Variants in CASKIN2 observed in about 807,000 individuals in gnomAD.
CASKIN2 encodes the protein CASK interacting protein 2.
CASKIN2 carries 41 observed loss-of-function variants against 107.1 expected under a neutral mutation model. The ratio of observed to expected loss-of-function variants is 0.38; its 90% CI spans 0.30 to 0.50. CASKIN2 has a LOEUF of 0.50. Ranked by LOEUF, CASKIN2 falls within the 20% of genes least tolerant of loss-of-function variation. The pLI is 0.92. For synonymous variants in CASKIN2, 724 were observed against 705.6 expected, an observed-to-expected ratio of 1.03 and a Z score of -0.41; for missense variants, 1,546 against 1,657.4, an observed-to-expected ratio of 0.93 and a Z score of 1.17.
intron 2 of CASKIN2, among the ~76,000 whole-genome samples, chr17:75,513,313 C>T (rs2053330130): frequency 1.3e-5 from 2 of 152,038 alleles, no homozygotes; most frequent in Admixed American, 1.3e-4. Context: ...GGCATGGTGG[C>T]ACACACCTGT....
rs751934298 is a variant in CASKIN2, at chr17:75,502,144, G to T, written c.2930C>A (p.Pro977His). The T allele has an allele frequency of 2.0e-5, 32 of 1,603,868 alleles. 1 individual carries two copies. Among genetic ancestry groups the T allele is most frequent in the Non-Finnish European group, 1.4e-5 (16 of 1,179,824 alleles). ...CGTGAGGTTGAAATCGAGGCCGGGGGGCACGGGTGTCTCTCGGGGCGGGGG... is the reference window on the plus strand; with the variant it reads ...CGTGAGGTTGAAATCGAGGCCGGGGTGCACGGGTGTCTCTCGGGGCGGGGG... ...AGPPPRETPV[P>H]PGLDFNLTES... The change falls in exon 18 of 20, where the codon CCC becomes CAC. Residue 977 changes from proline (P) to histidine (H), a missense_variant. Physicochemically the swap from Pro to His is moderately conservative, Grantham distance 77. Coordinates refer to ENST00000321617, the MANE Select transcript of CASKIN2 (RefSeq NM_020753.5). This position sits in a 1 kb window ranked among gnomAD's most constrained non-coding sequence, Gnocchi z 4.3.
chr17:75,501,447 T>A (rs762981578), intron 19 of CASKIN2, 21 bp downstream of exon 19: 1 of 1,595,302 alleles, frequency 6.3e-7, no homozygotes, highest in East Asian at 2.3e-5. Context: ...CTTCTCTCCC[T>A]CCCCATCCGG....
chr17:75,511,985 G>C (rs2053319578), intron 2 of CASKIN2, among the ~76,000 whole-genome samples: 1 of 152,154 alleles, frequency 6.6e-6, no homozygotes, highest in Non-Finnish European at 1.5e-5. Flanking sequence ...CTGGACCTTA[G>C]GGCCCTCCCC....
chr17:75,508,089 C>CAGG, intron 3 of CASKIN2, 145 bp downstream of exon 3: 2 of 916,686 alleles, frequency 2.2e-6, no homozygotes, highest in Non-Finnish European at 3.3e-6. Context: ...GGACAGGGCC[C>CAGG]ACAGCTCGCA....
chr17:75,510,653 CG>C (rs1367897046), intron 2 of CASKIN2, among the ~76,000 whole-genome samples: 2 of 152,062 alleles, frequency 1.3e-5, no homozygotes, highest in Admixed American at 6.6e-5. Flanking sequence ...TGTAGTGGCA[CG>C]ATCTCGGCTC....
Position 75,501,530 on chromosome 17 carries a change from G to A in CASKIN2, c.3456C>T (p.Ser1152=). Residue 1152 remains serine, a synonymous_variant, in exon 19 of 20, where the codon AGC becomes AGT. Coordinates refer to ENST00000321617, the MANE Select transcript of CASKIN2 (RefSeq NM_020753.5). The part of the protein sequence containing the change: ...GQAQQRLEQT[S]SSLAAALRAA... ...CTCTCAGTGCAGCTGCCAGGGACGA[G>A]CTGGTCTGCTCCAGTCTCTGCTGGG... The A allele has an allele frequency of 1.2e-6, 2 of 1,612,546 alleles. No individual in the cohort carries two copies. The highest frequency in any genetic ancestry group is 1.7e-6 in the Non-Finnish European group (2 of 1,179,626).
chr17:75,501,055 G>A lies in CASKIN2; in HGVS notation c.*25C>T. On this transcript the variant is annotated 3_prime_UTR_variant, in exon 20 of 20. Transcript: ENST00000321617. ...GGGCAAAGGCAGTGGACTTCGGCAG[G>A]TCACAGTGGGCACTGCTGGAGGGCT... is the stretch of plus-strand genomic sequence containing the variant. 1 of 1,552,822 alleles carries A rather than the reference G, an allele frequency of 6.4e-7. No homozygotes were observed. Among genetic ancestry groups the A allele is most frequent in the South Asian group, 1.2e-5 (1 of 84,324 alleles).
intron 2 of CASKIN2, among the ~76,000 whole-genome samples, 160 bp downstream of exon 2, chr17:75,513,551 A>G (rs570277390): frequency 6.6e-6 from 1 of 152,290 alleles, no homozygotes; most frequent in South Asian, 2.1e-4. Context: ...GGGGGACCCA[A>G]CTTTCTCTCT....
chr17:75,507,328 T>A (rs745517398), intron 4 of CASKIN2, among the ~76,000 whole-genome samples, 199 bp from the exon 5 acceptor site: 1 of 152,100 alleles, frequency 6.6e-6, no homozygotes, highest in Non-Finnish European at 1.5e-5. Flanking sequence ...CCACTGTGGA[T>A]CATGATGACC....
intron 2 of CASKIN2, among the ~76,000 whole-genome samples, chr17:75,511,214 C>T (rs181899108): frequency 1.3e-5 from 2 of 152,142 alleles, no homozygotes; most frequent in African/African-American, 2.4e-5. Flanking sequence ...GCACTTGCCA[C>T]CACACTGAGC....
rs552643553 is a variant in CASKIN2, at chr17:75,507,390, G to A, written c.244+194C>T. On this transcript the variant is annotated intron_variant, in intron 4 of 19. Coordinates refer to ENST00000321617, the MANE Select transcript of CASKIN2 (RefSeq NM_020753.5). ...GCCTCAACCTACTCATCTGAATAAT[G>A]GGATGTTAGTACCACTCGCCTATGC... is the stretch of plus-strand genomic sequence containing the variant. Among the ~76,000 whole-genome samples, 6 of 152,304 alleles carry A rather than the reference G, an allele frequency of 3.9e-5. 1 individual carries two copies. The South Asian group carries it at 1.0e-3, about 26-fold the overall frequency.
Position 75,506,782 on chromosome 17 carries a change from A to T in CASKIN2, c.486+17T>A. The T allele has an allele frequency of 1.2e-6, 2 of 1,613,774 alleles. No homozygotes were observed. The highest frequency in any genetic ancestry group is 2.2e-5 in the South Asian group (2 of 91,086). On this transcript the variant is annotated intron_variant, in intron 6 of 19. Transcript: ENST00000321617. The surrounding 1 kb of genome is among the most constrained non-coding windows in gnomAD (Gnocchi z 4.8). The stretch of plus-strand genomic sequence containing the variant: ...GTAGATGTCCAGGACCCAGCACCCC[A>T]AGGCTGCAGGCCTCACCTTGAGTCG...
chr17:75,501,257 G>C, intron 19 of CASKIN2, 87 bp from the exon 20 acceptor site: 1 of 1,319,408 alleles, frequency 7.6e-7, no homozygotes, highest in Non-Finnish European at 1.0e-6. Flanking sequence ...AGCTCCCAGA[G>C]GCTCAGGGAG....
chr17:75,514,425 G>T (rs538400192), intron 1 of CASKIN2, among the ~76,000 whole-genome samples: 1 of 152,134 alleles, frequency 6.6e-6, no homozygotes, highest in East Asian at 1.9e-4. Flanking sequence ...ATTCTGGGAG[G>T]GGGAGGCTGA....
At position 75,504,603 on chromosome 17, in the gene CASKIN2, T is replaced by C. The variant is rs147639420; in HGVS notation, c.1283A>G (p.His428Arg). 3.7e-4 allele frequency: 601 copies of C among 1,607,120 alleles called. 3 individuals carry two copies. In the African/African-American group the frequency reaches 7.7e-3, roughly 21 times the overall value. The change falls in exon 12 of 20, where the codon CAT becomes CGT. Residue 428 changes from histidine (H) to arginine (R), a missense_variant. Physicochemically the swap from His to Arg is conservative, Grantham distance 29 (BLOSUM62 0). Around this residue, in one of 6 missense-constraint regions of CASKIN2, gnomAD observed 1,311 missense variants for 1,311.0 expected, o/e 1.00. Coordinates refer to ENST00000321617, the MANE Select transcript of CASKIN2 (RefSeq NM_020753.5). ...SGQSSEGTNG[H>R]GPGLLIENAQ... is the part of the protein sequence containing the mutation. ...GTTCTCAATCAGGAGGCCAGGGCCA[T>C]GGCCATTAGTGCCCTCAGAGCTCTG...
At position 75,504,988 on chromosome 17, in the gene CASKIN2, G is replaced by C. The variant is rs370216413; in HGVS notation, c.1016C>G (p.Pro339Arg). The C allele has an allele frequency of 2.5e-6, 4 of 1,612,082 alleles. No individual in the cohort carries two copies. The highest frequency in any genetic ancestry group is 3.4e-6 in the Non-Finnish European group (4 of 1,179,680). Reference sequence around the variant, plus strand: ...CTTGCTGACCACCTCGACAATGCCCGGGGGGAAGTAGCCTATGCGGTCTGT... The same window carrying C: ...CTTGCTGACCACCTCGACAATGCCCCGGGGGAAGTAGCCTATGCGGTCTGT... ...RGTDRIGYFP[P>R]GIVEVVSKRV... The change falls in exon 11 of 20, where the codon CCG becomes CGG. Residue 339 changes from proline (P) to arginine (R), a missense_variant. Transcript: ENST00000321617.
Position 75,503,009 on chromosome 17 carries a change from G to A in CASKIN2, c.2065C>T (p.Pro689Ser). The A allele has an allele frequency of 1.2e-6, 2 of 1,606,376 alleles. No homozygotes were observed. Among genetic ancestry groups the A allele is most frequent in the Non-Finnish European group, 1.7e-6 (2 of 1,178,450 alleles). Residue 689 changes from proline (P) to serine (S), a missense_variant, in exon 18 of 20, where the codon CCC (proline) becomes TCC (serine). Around this residue, in one of 6 missense-constraint regions of CASKIN2, gnomAD observed 1,311 missense variants for 1,311.0 expected, o/e 1.00. Transcript: ENST00000321617. The part of the protein sequence containing the change: ...AMAGGGPEPL[P>S]LPPARSPSQE... ...CTGGGAGAGCGGGCAGGTGGGAGGG[G>A]GAGTGGTTCAGGGCCACCCCCTGCC...
chr17:75,506,427 G>T lies in CASKIN2; in HGVS notation c.618-14C>A. The T allele has an allele frequency of 6.2e-7, 1 of 1,604,696 alleles. No individual in the cohort carries two copies. Among genetic ancestry groups the T allele is most frequent in the South Asian group, 1.1e-5 (1 of 90,994 alleles). ...CTCAGGAGCTGCCTGCAGTGGACGGGGGGAGTCACGGGGGAGGTGGCGTAG... is the reference window on the plus strand; with the variant it reads ...CTCAGGAGCTGCCTGCAGTGGACGGTGGGAGTCACGGGGGAGGTGGCGTAG... On this transcript the variant is annotated splice_polypyrimidine_tract_variant and intron_variant, in intron 7 of 19. Coordinates refer to ENST00000321617, the MANE Select transcript of CASKIN2 (RefSeq NM_020753.5). The surrounding 1 kb of genome is among the most constrained non-coding windows in gnomAD (Gnocchi z 4.8).
At chr17:75,513,386 C>G (rs1437156983) in intron 2 of CASKIN2, among the ~76,000 whole-genome samples, 1 of 151,954 alleles carries the variant, frequency 6.6e-6, no homozygotes, top group Non-Finnish European at 1.5e-5. Flanking sequence ...CGGAGGTTCC[C>G]GTGAGCCGAG....
Sources: gnomAD v4.1 joint callset for allele counts (sites outside exome capture counted in the v4.1 genomes callset) on GRCh38, gnomAD v4.1.1 for gene constraint, gnomAD v4.1.1 regional missense constraint, Gnocchi (gnomAD v3.1) non-coding constraint, MANE v1.5 for transcripts, NCBI Gene and HGNC (gene_info 2026-07-23, HGNC 2026-07-21) for gene names.